The following ACOX1 variants were observed in gnomAD, a reference collection of about 807,000 sequenced individuals.
ACOX1 encodes acyl-CoA oxidase 1.
In ACOX1, 41 loss-of-function variants were observed where a neutral mutation model predicts 75.5. The ratio of observed to expected loss-of-function variants is 0.54; its 90% CI spans 0.42 to 0.70. The LOEUF is 0.70. Ranked by LOEUF, ACOX1 falls within the 30% of genes least tolerant of loss-of-function variation. The probability of loss-of-function intolerance (pLI) is 0.00; values close to 1 mark genes in which losing one functional copy is unlikely to be tolerated. For missense variants in ACOX1, 630 were observed against 837.5 expected (o/e 0.75, Z 3.06); for synonymous variants, 303 against 298.8 (o/e 1.01, Z -0.15).
intron 2 of ACOX1, among the ~76,000 whole-genome samples, chr17:75,977,768 A>T (rs1175881791): frequency 1.3e-5 from 2 of 152,102 alleles, no homozygotes; most frequent in African/African-American, 4.8e-5. Context: ...ATCATTCTTC[A>T]TCCAGGTCCA....
chr17:75,977,662 C>T (rs1223110195), intron 2 of ACOX1, among the ~76,000 whole-genome samples: 4 of 152,300 alleles, frequency 2.6e-5, no homozygotes, highest in Admixed American at 6.5e-5. Context: ...GTTTTTATGA[C>T]GTCTCTCTCA....
At chr17:75,949,650 G>A (rs748052592) in intron 10 of ACOX1, 50 bp from the exon 11 acceptor site, 7 of 1,612,260 alleles carry the variant, frequency 4.3e-6, no homozygotes, top group Admixed American at 3.3e-5. Flanking sequence ...CAGTACTCAT[G>A]CCTTCTTGCC....
chr17:75,964,823 A>C (rs2065915753), intron 2 of ACOX1, among the ~76,000 whole-genome samples: 5 of 152,210 alleles, frequency 3.3e-5, no homozygotes, highest in Admixed American at 3.3e-4. Context: ...TTAAAACCAA[A>C]ACATCAAAAG....
At chr17:75,949,684 T>G (rs773019791) in intron 10 of ACOX1, 34 bp downstream of exon 10, 1 of 1,614,184 alleles carries the variant, frequency 6.2e-7, no homozygotes, top group Non-Finnish European at 8.5e-7. Context: ...CCAGCCCCAC[T>G]GCTGCGTATT....
intron 4 of ACOX1, among the ~76,000 whole-genome samples, chr17:75,957,063 A>G (rs1398432072): frequency 1.3e-5 from 2 of 148,344 alleles, no homozygotes; most frequent in East Asian, 4.0e-4. Context: ...CTCTATGTAC[A>G]CACACCACAC....
At chr17:75,972,824 C>T (rs1033555870) in intron 2 of ACOX1, among the ~76,000 whole-genome samples, 1 of 152,050 alleles carries the variant, frequency 6.6e-6, no homozygotes, top group African/African-American at 2.4e-5. Context: ...TAACATTTTC[C>T]TTAAACCAAT....
At position 75,975,580 on chromosome 17, in the gene ACOX1, G is replaced by A. The variant is rs2066040730; in HGVS notation, c.269+2954C>T. Among the ~76,000 whole-genome samples, 5 of 152,202 alleles carry A rather than the reference G, an allele frequency of 3.3e-5. No individual in the cohort carries two copies. In the South Asian group the frequency reaches 1.0e-3, roughly 32 times the overall value. On this transcript the variant is annotated intron_variant, in intron 2 of 13. Coordinates refer to ENST00000293217, the MANE Select transcript of ACOX1 (RefSeq NM_004035.7). ...AAAATGAATTAATGTAATCATTATA[G>A]ATTCCACCAGAGGGAACGACTTCTG...
chr17:75,976,899 C>A (rs895602490), intron 2 of ACOX1, among the ~76,000 whole-genome samples: 8 of 151,666 alleles, frequency 5.3e-5, no homozygotes, highest in African/African-American at 1.9e-4. Context: ...AGAGAAAATG[C>A]CCAGGAATAA....
chr17:75,978,425 A>G lies in ACOX1; in HGVS notation c.269+109T>C, dbSNP rs2066078981. 1 of 1,428,904 alleles carries G rather than the reference A, an allele frequency of 7.0e-7. No homozygotes were observed. Among genetic ancestry groups the G allele is most frequent in the Middle Eastern group, 1.7e-4 (1 of 5,720 alleles). The allele number at this position is 1,428,904 out of a possible 1,614,324, so 88.5% of individuals were successfully genotyped here. Reference sequence around the variant, plus strand: ...TAACTTTATAAAGTTGCATGAAAATATGCCAGTTTGCATCTTCAAACACCA... The same window carrying G: ...TAACTTTATAAAGTTGCATGAAAATGTGCCAGTTTGCATCTTCAAACACCA... On this transcript the variant is annotated intron_variant, in intron 2 of 13. Transcript: ENST00000293217. This position sits in a 1 kb window ranked among gnomAD's most constrained non-coding sequence, Gnocchi z 4.2.
At chr17:75,957,111 AGTCTTGCTGTGATG>A (rs2065840994) in intron 4 of ACOX1, among the ~76,000 whole-genome samples, 1 of 146,966 alleles carries the variant, frequency 6.8e-6, no homozygotes, top group East Asian at 2.0e-4. Context: ...TTTGAGACAA[AGTCTTGCTGTGATG>A]CCCAGGCTGG....
intron 2 of ACOX1, among the ~76,000 whole-genome samples, chr17:75,973,152 T>C (rs1352828000): frequency 3.3e-5 from 5 of 152,222 alleles, no homozygotes; most frequent in Middle Eastern, 3.2e-3. Flanking sequence ...AAGAGAATCA[T>C]GGACTTTTTT....
At chr17:75,954,533 A>AG (rs1567876359) in intron 6 of ACOX1, among the ~76,000 whole-genome samples, 130 of 143,958 alleles carry the variant, frequency 9.0e-4, no homozygotes, top group African/African-American at 3.4e-3. Context: ...AAAAAAAAAA[A>AG]AGGGGCATCA....
intron 2 of ACOX1, among the ~76,000 whole-genome samples, chr17:75,971,906 G>A (rs1025914979): frequency 3.3e-5 from 5 of 152,104 alleles, no homozygotes; most frequent in East Asian, 1.9e-4. Context: ...CTGTTAAGTC[G>A]AATAAATTCT....
At chr17:75,974,911 G>A (rs2066031243) in intron 2 of ACOX1, among the ~76,000 whole-genome samples, 2 of 151,456 alleles carry the variant, frequency 1.3e-5, no homozygotes, top group Non-Finnish European at 2.9e-5. Context: ...TTAGCCGGGT[G>A]TGGTGGTGGG....
intron 6 of ACOX1, 65 bp downstream of exon 6, chr17:75,955,501 T>C (rs538506820): frequency 7.7e-6 from 10 of 1,294,842 alleles, no homozygotes; most frequent in Non-Finnish European, 1.1e-5. Flanking sequence ...TCTAACCCTA[T>C]TGTGAGTAAC....
Position 75,955,511 on chromosome 17 carries a change from C to T in ACOX1, c.774+55G>A, listed in dbSNP as rs1208343007. The T allele has an allele frequency of 1.8e-5, 26 of 1,409,348 alleles. No individual in the cohort carries two copies. The East Asian group carries it at 4.6e-4, about 25-fold the overall frequency. 87.3% of individuals were successfully genotyped at this position (1,409,348 alleles called of 1,614,324 possible). A position where few individuals can be genotyped will look rare whatever the true frequency, so the allele number is the denominator to read the frequency against. On this transcript the variant is annotated intron_variant, in intron 6 of 13. Coordinates refer to ENST00000293217, the MANE Select transcript of ACOX1 (RefSeq NM_004035.7). ...ACCATTCTAACCCTATTGTGAGTAA[C>T]AGCCACTCAACTCCACTGTTTGATG... is the stretch of plus-strand genomic sequence containing the variant.
At position 75,949,910 on chromosome 17, in the gene ACOX1, A is replaced by C; in HGVS notation, c.1299-13T>G. ...TTTCATCAGGAACCTAAAAGTCACCAGTAAACATGCTTTTAGTAACTCTAC... is the reference window on the plus strand; with the variant it reads ...TTTCATCAGGAACCTAAAAGTCACCCGTAAACATGCTTTTAGTAACTCTAC... On this transcript the variant is annotated splice_polypyrimidine_tract_variant and intron_variant, in intron 9 of 13. Coordinates refer to ENST00000293217, the MANE Select transcript of ACOX1 (RefSeq NM_004035.7). 4 of 1,614,082 alleles carry C rather than the reference A, an allele frequency of 2.5e-6. No homozygotes were observed. The highest frequency in any genetic ancestry group is 3.4e-6 in the Non-Finnish European group (4 of 1,179,928).
At chr17:75,972,244 G>A (rs1567888425) in intron 2 of ACOX1, among the ~76,000 whole-genome samples, 1 of 149,032 alleles carries the variant, frequency 6.7e-6, no homozygotes, top group East Asian at 2.0e-4. Context: ...GGAGAATGGC[G>A]TGAACCCAGG....
At chr17:75,970,925 A>G (rs2065987822) in intron 2 of ACOX1, among the ~76,000 whole-genome samples, 1 of 152,244 alleles carries the variant, frequency 6.6e-6, no homozygotes, top group Non-Finnish European at 1.5e-5. Context: ...TTCCAGCAAG[A>G]AAAAAGACTA....
Sources: allele counts gnomAD v4.1 joint callset (sites outside exome capture counted in the v4.1 genomes callset), GRCh38; gene constraint gnomAD v4.1.1; non-coding constraint Gnocchi (gnomAD v3.1); transcripts MANE v1.5; gene names NCBI Gene and HGNC (gene_info 2026-07-23, HGNC 2026-07-21).